Variants in CACNB1 observed in about 807,000 individuals in gnomAD.
CACNB1 encodes the protein calcium voltage-gated channel auxiliary subunit beta 1, also known as voltage-dependent L-type calcium channel subunit beta-1.
A neutral mutation model predicts 71.6 loss-of-function variants in CACNB1; 29 were observed. That is an observed-to-expected ratio of 0.40 (90% CI 0.30 to 0.55). The LOEUF is 0.55. CACNB1 is among the 20% of genes least tolerant of loss of function. CACNB1 has a pLI of 0.38. For missense variants in CACNB1, 623 were observed against 801.8 expected (o/e 0.78, Z 2.69); for synonymous variants, 300 against 319.6 (o/e 0.94, Z 0.65).
intron 11 of CACNB1, among the ~76,000 whole-genome samples, chr17:39,178,662 C>A (rs540393022): frequency 6.6e-6 from 1 of 151,994 alleles, no homozygotes; most frequent in Non-Finnish European, 1.5e-5. Flanking sequence ...GGATTATAGG[C>A]GTGAGTCACT....
intron 7 of CACNB1, 129 bp from the exon 8 acceptor site, chr17:39,184,993 T>TG: frequency 1.1e-6 from 1 of 950,476 alleles, no homozygotes; most frequent in Non-Finnish European, 1.7e-6. Context: ...GGGATCAGGG[T>TG]GGGGGTGGGG....
chr17:39,188,294 G>C (rs913403473), intron 3 of CACNB1, among the ~76,000 whole-genome samples: 7 of 151,682 alleles, frequency 4.6e-5, no homozygotes, highest in African/African-American at 1.7e-4. Flanking sequence ...AAAAAAAAAA[G>C]TCTGGGCGTG....
intron 4 of CACNB1, chr17:39,187,263 C>T: frequency 3.2e-6 from 2 of 626,112 alleles, no homozygotes; most frequent in South Asian, 2.0e-5. Flanking sequence ...CCAGTTCAGG[C>T]CCCCTAACAA....
chr17:39,175,171 C>T lies in CACNB1; in HGVS notation c.*22G>A. 1 of 1,580,610 alleles carries T rather than the reference C, an allele frequency of 6.3e-7. No individual in the cohort carries two copies. Among genetic ancestry groups the T allele is most frequent in the Non-Finnish European group, 8.6e-7 (1 of 1,157,450 alleles). On this transcript the variant is annotated 3_prime_UTR_variant, in exon 14 of 14. Transcript: ENST00000394303. This position sits in a 1 kb window ranked among gnomAD's most constrained non-coding sequence, Gnocchi z 4.7. Reference sequence around the variant, plus strand: ...CTCCCCTGGGCTCAGAGCCCTTCCTCCCGCCGTGTGGCCCCTGCCTCTCAG... The same window carrying T: ...CTCCCCTGGGCTCAGAGCCCTTCCTTCCGCCGTGTGGCCCCTGCCTCTCAG...
At chr17:39,184,003 G>C (rs531185253) in intron 10 of CACNB1, 28 bp downstream of exon 10, 2 of 1,569,602 alleles carry the variant, frequency 1.3e-6, no homozygotes, top group South Asian at 2.2e-5. Flanking sequence ...CCAGAAAGGG[G>C]GAGTGAAGAC....
In CACNB1 at chr17:39,175,856, G is replaced by A. The variant is rs1350864434; in HGVS notation, c.1333-199C>T. On this transcript the variant is annotated intron_variant, in intron 13 of 13. Transcript: ENST00000394303. The surrounding 1 kb of genome is among the most constrained non-coding windows in gnomAD (Gnocchi z 4.7). ...ACCTCAGGGCATTTGCTCCTCTCTCGGGACAGGGGGCACCCGACCTTCAAC... is the reference window on the plus strand; with the variant it reads ...ACCTCAGGGCATTTGCTCCTCTCTCAGGACAGGGGGCACCCGACCTTCAAC... Among the ~76,000 whole-genome samples, 2 of 152,136 alleles carry A rather than the reference G, an allele frequency of 1.3e-5. No homozygotes were observed. Among genetic ancestry groups the A allele is most frequent in the South Asian group, 4.1e-4 (2 of 4,828 alleles).
intron 4 of CACNB1, chr17:39,187,261 G>A (rs2045964008): frequency 1.1e-5 from 7 of 624,190 alleles, no homozygotes. Context: ...TGCCAGTTCA[G>A]GCCCCCTAAC....
chr17:39,173,491 G>GT lies in CACNB1; in HGVS notation c.*1701dup, dbSNP rs1442385250. On this transcript the variant is annotated 3_prime_UTR_variant, in exon 14 of 14. Transcript: ENST00000394303. ...CATGTGTATTTAAGACATTGCACCA[G>GT]TGGGTCTGGATCTCACCCACTGAGC... 1 of 152,400 alleles carries GT rather than the reference G, an allele frequency of 6.6e-6. No individual in the cohort carries two copies. Among genetic ancestry groups the GT allele is most frequent in the African/African-American group, 2.4e-5 (1 of 41,472 alleles). The allele number at this position is 152,400 out of a possible 1,614,324, so 9.4% of individuals were successfully genotyped here.
At chr17:39,184,966 C>A in intron 7 of CACNB1, 102 bp from the exon 8 acceptor site, 1 of 1,014,668 alleles carries the variant, frequency 9.9e-7, no homozygotes. Context: ...CCACCCTGGT[C>A]CCAGAGCCCA....
intron 11 of CACNB1, among the ~76,000 whole-genome samples, chr17:39,180,744 A>G (rs922616867): frequency 6.6e-6 from 1 of 151,968 alleles, no homozygotes; most frequent in Non-Finnish European, 1.5e-5. Flanking sequence ...CACTTAATTT[A>G]TTTTTTATTT....
At chr17:39,184,724 C>T (rs2045887470) in intron 8 of CACNB1, 60 bp downstream of exon 8, 2 of 1,191,920 alleles carry the variant, frequency 1.7e-6, no homozygotes, top group Non-Finnish European at 2.5e-6. Flanking sequence ...GGGGATCTCT[C>T]TGGGGTCTGA....
intron 11 of CACNB1, chr17:39,182,975 A>G: frequency 1.0e-6 from 1 of 983,202 alleles, no homozygotes; most frequent in Non-Finnish European, 1.2e-6. Context: ...CTCCACCTCA[A>G]CTCTTCCTCC....
rs1351408692 is a variant in CACNB1 at position 39,175,606 on chromosome 17, G to C, written c.1384C>G (p.His462Asp). 1 of 1,598,080 alleles carries C rather than the reference G, an allele frequency of 6.3e-7. No individual in the cohort carries two copies. The highest frequency in any genetic ancestry group is 8.5e-7 in the Non-Finnish European group (1 of 1,171,238). ...DQPLERATGE[H>D]ASMHEYPGEL... Reference sequence around the variant, plus strand: ...CCTGGGTACTCGTGCATGCTGGCGTGCTCCCCGGTGGCCCGTTCCAGTGGC... The same window carrying C: ...CCTGGGTACTCGTGCATGCTGGCGTCCTCCCCGGTGGCCCGTTCCAGTGGC... The change falls in exon 14 of 14, where the codon CAC (histidine) becomes GAC (aspartate). Residue 462 changes from histidine (H) to aspartate (D), a missense_variant. By Grantham distance (81) the His-to-Asp change is moderately conservative. Transcript: ENST00000394303. This position sits in a 1 kb window ranked among gnomAD's most constrained non-coding sequence, Gnocchi z 4.7.
chr17:39,177,038 T>A, intron 13 of CACNB1: 1 of 1,185,988 alleles, frequency 8.4e-7, no homozygotes. Flanking sequence ...CCATCAGGCC[T>A]CATATCCAGC....
At chr17:39,187,716 A>G in intron 3 of CACNB1, 115 bp from the exon 4 acceptor site, 1 of 1,239,874 alleles carries the variant, frequency 8.1e-7, no homozygotes, top group Non-Finnish European at 1.2e-6. Context: ...AGTTCCTTGA[A>G]ATGTGTATGG....
intron 6 of CACNB1, 138 bp from the exon 7 acceptor site, chr17:39,185,288 C>A (rs547308860): frequency 1.4e-6 from 1 of 733,554 alleles, no homozygotes; most frequent in South Asian, 1.5e-5. Flanking sequence ...ACAGGGCATG[C>A]GTGTTAGTGA....
rs750644399 is a variant in CACNB1, at chr17:39,183,694, G to T, written c.1050+19C>A. The T allele has an allele frequency of 6.4e-7, 1 of 1,566,954 alleles. No homozygotes were observed. Among genetic ancestry groups the T allele is most frequent in the African/African-American group, 1.3e-5 (1 of 74,106 alleles). On this transcript the variant is annotated intron_variant, in intron 11 of 13. Coordinates refer to ENST00000394303, the MANE Select transcript of CACNB1 (RefSeq NM_000723.5). ...TTCAAACCACGCTGTCCTGGCCAGG[G>T]TCAGGCTCCTGCACCCACCTTGGGA...
At chr17:39,177,006 G>C in intron 13 of CACNB1, 1 of 732,354 alleles carries the variant, frequency 1.4e-6, no homozygotes, top group Non-Finnish European at 2.0e-6. Context: ...GTCCTTCCTA[G>C]TCCCTTGTCT....
chr17:39,194,934 A>G lies in CACNB1; in HGVS notation c.121T>C (p.Ser41Pro), dbSNP rs1486071018. ...YSKRKGRFKR[S>P]DGSTSSDTTS... ...GTATCCGAGGACGTGCTCCCATCTGACCGTTTGAATCGCCCTTTCCTCTTG... is the reference window on the plus strand; with the variant it reads ...GTATCCGAGGACGTGCTCCCATCTGGCCGTTTGAATCGCCCTTTCCTCTTG... Residue 41 changes from serine (S) to proline (P), a missense_variant, in exon 2 of 14, where the codon TCA (serine) becomes CCA (proline). Coordinates refer to ENST00000394303, the MANE Select transcript of CACNB1 (RefSeq NM_000723.5). This position sits in a 1 kb window ranked among gnomAD's most constrained non-coding sequence, Gnocchi z 4.6. 6.2e-7 allele frequency: 1 copy of G among 1,613,448 alleles called. No homozygotes were observed. The highest frequency in any genetic ancestry group is 1.1e-5 in the South Asian group (1 of 91,050).
Sources: allele counts gnomAD v4.1 joint callset (sites outside exome capture counted in the v4.1 genomes callset), GRCh38; gene constraint gnomAD v4.1.1; non-coding constraint Gnocchi (gnomAD v3.1); transcripts MANE v1.5; gene names NCBI Gene and HGNC (gene_info 2026-07-23, HGNC 2026-07-21).